GBP7: variants seen among roughly 807,000 people sequenced by gnomAD.
GBP7 encodes the protein guanylate binding protein 7, also known as guanylate-binding protein 7.
In GBP7, 43 loss-of-function variants were observed where a neutral mutation model predicts 61.3. That is an observed-to-expected ratio of 0.70 (90% CI 0.55 to 0.91). GBP7 has a LOEUF of 0.91. Among genes scored for constraint, GBP7 ranks in the 40% least tolerant of loss-of-function variants. The pLI is 0.00. For missense variants in GBP7, 717 were observed against 740.5 expected (o/e 0.97, Z 0.37); for synonymous variants, 267 against 271.0 (o/e 0.99, Z 0.14).
chr1:89,152,258 G>A lies in GBP7; in HGVS notation c.625+10C>T. 1 of 1,612,606 alleles carries A rather than the reference G, an allele frequency of 6.2e-7. No individual in the cohort carries two copies. Among genetic ancestry groups the A allele is most frequent in the Non-Finnish European group, 8.5e-7 (1 of 1,178,872 alleles). On this transcript the variant is annotated intron_variant, in intron 5 of 10. Coordinates refer to ENST00000294671, the MANE Select transcript of GBP7 (RefSeq NM_207398.3). ...CTGAACCTTCTCCCATCTAGGCCATGCTCTGATACCTGAAATCAGCTTCAA... is the reference window on the plus strand; with the variant it reads ...CTGAACCTTCTCCCATCTAGGCCATACTCTGATACCTGAAATCAGCTTCAA...
intron 1 of GBP7, among the ~76,000 whole-genome samples, chr1:89,174,287 G>T (rs1235622347): frequency 6.6e-6 from 1 of 152,072 alleles, no homozygotes; most frequent in Non-Finnish European, 1.5e-5. Context: ...GGGATTGCTT[G>T]GTCAAAAGAT....
At chr1:89,168,967 C>T (rs1024859150) in intron 2 of GBP7, among the ~76,000 whole-genome samples, 3 of 111,076 alleles carry the variant, frequency 2.7e-5, no homozygotes, top group Non-Finnish European at 5.4e-5. Context: ...GAAACTCCGC[C>T]TCAAGTTAAA....
At chr1:89,149,189 C>T (rs1291349921) in intron 7 of GBP7, 103 bp downstream of exon 7, 8 of 987,014 alleles carry the variant, frequency 8.1e-6, no homozygotes, top group East Asian at 5.2e-5. Context: ...ATCCAATCTC[C>T]CTTTACTACA....
intron 1 of GBP7, among the ~76,000 whole-genome samples, chr1:89,174,825 C>T (rs891441311): frequency 6.6e-6 from 1 of 152,158 alleles, no homozygotes; most frequent in Non-Finnish European, 1.5e-5. Flanking sequence ...TTTATTACCT[C>T]CATGTATATC....
intron 3 of GBP7, among the ~76,000 whole-genome samples, chr1:89,158,500 A>G (rs1274807884): frequency 6.6e-6 from 1 of 152,246 alleles, no homozygotes; most frequent in African/African-American, 2.4e-5. Flanking sequence ...CTGATAAGCA[A>G]CTTCAGCAAA....
rs181432633 is a variant in GBP7, at chr1:89,161,628, G to T, written c.318+3103C>A. Among the ~76,000 whole-genome samples, 808 of 150,870 alleles carry T rather than the reference G, an allele frequency of 5.4e-3. 7 individuals carry two copies. The highest frequency in any genetic ancestry group is 0.011 in the African/African-American group (439 of 41,230). ...TGCCCACTTTTTAATGTATTTTTTTGTGTGTGTGAATTTGTTTACGTTCCT... is the reference window on the plus strand; with the variant it reads ...TGCCCACTTTTTAATGTATTTTTTTTTGTGTGTGAATTTGTTTACGTTCCT... On this transcript the variant is annotated intron_variant, in intron 3 of 10. Coordinates refer to ENST00000294671, the MANE Select transcript of GBP7 (RefSeq NM_207398.3).
At chr1:89,140,764 C>T (rs1268493880) in intron 9 of GBP7, among the ~76,000 whole-genome samples, 1 of 152,156 alleles carries the variant, frequency 6.6e-6, no homozygotes, top group African/African-American at 2.4e-5. Context: ...TTCATCGGTG[C>T]ACTATTTCCA....
intron 2 of GBP7, among the ~76,000 whole-genome samples, chr1:89,166,416 G>A (rs1647443622): frequency 6.6e-6 from 1 of 152,204 alleles, no homozygotes; most frequent in African/African-American, 2.4e-5. Flanking sequence ...TGAGGAGTCT[G>A]TGATTTGAAC....
chr1:89,164,111 C>T (rs1647355334), intron 3 of GBP7, among the ~76,000 whole-genome samples: 1 of 152,154 alleles, frequency 6.6e-6, no homozygotes, highest in Admixed American at 6.6e-5. Context: ...CTCAGATGGT[C>T]CACCCGCCTC....
intron 3 of GBP7, among the ~76,000 whole-genome samples, chr1:89,162,197 C>T (rs913322810): frequency 3.3e-5 from 5 of 151,954 alleles, no homozygotes; most frequent in Non-Finnish European, 5.9e-5. Context: ...AGTTTGATGT[C>T]GAGTAGCATC....
intron 9 of GBP7, among the ~76,000 whole-genome samples, chr1:89,137,262 C>CA (rs932673887): frequency 8.6e-5 from 13 of 151,482 alleles, no homozygotes; most frequent in South Asian, 2.1e-4. Context: ...TAAACTATTC[C>CA]AAAAAAAATG....
At chr1:89,138,547 CTTTGG>C (rs1378577574) in intron 9 of GBP7, among the ~76,000 whole-genome samples, 78 of 152,198 alleles carry the variant, frequency 5.1e-4, no homozygotes, top group Non-Finnish European at 3.2e-4. Flanking sequence ...ACTATCTGAT[CTTTGG>C]TAAAGCTAAC....
At chr1:89,137,819 G>GA (rs200801681) in intron 9 of GBP7, among the ~76,000 whole-genome samples, 2 of 150,408 alleles carry the variant, frequency 1.3e-5, no homozygotes, top group South Asian at 2.1e-4. Context: ...AGGCAAAGGG[G>GA]AAAAAAAAAG....
At chr1:89,138,838 A>T (rs1277335084) in intron 9 of GBP7, among the ~76,000 whole-genome samples, 1 of 152,224 alleles carries the variant, frequency 6.6e-6, no homozygotes, top group Non-Finnish European at 1.5e-5. Context: ...GAGGGACCTA[A>T]TTCAACTAAA....
chr1:89,164,681 A>G lies in GBP7; in HGVS notation c.318+50T>C, dbSNP rs367790707. On this transcript the variant is annotated intron_variant, in intron 3 of 10. Coordinates refer to ENST00000294671, the MANE Select transcript of GBP7 (RefSeq NM_207398.3). ...TTGGATTGATACTATGCATAAAAACATAAATAGAGAATCAAAGGTAAAGAA... is the reference window on the plus strand; with the variant it reads ...TTGGATTGATACTATGCATAAAAACGTAAATAGAGAATCAAAGGTAAAGAA... The G allele has an allele frequency of 8.4e-4, 1,338 of 1,587,150 alleles. 1 individual carries two copies. The highest frequency in any genetic ancestry group is 1.0e-3 in the Non-Finnish European group (1,179 of 1,157,326).
Position 89,132,281 on chromosome 1 carries a change from C to G in GBP7, c.1785G>C (p.Gln595His), listed in dbSNP as rs752396686. The G allele has an allele frequency of 3.5e-5, 57 of 1,614,044 alleles. No individual in the cohort carries two copies. The highest frequency in any genetic ancestry group is 4.4e-5 in the Non-Finnish European group (52 of 1,179,972). Residue 595 changes from glutamine to histidine, a missense_variant, in exon 11 of 11, where the codon CAG (glutamine) becomes CAC (histidine). Physicochemically the swap from Gln to His is conservative, Grantham distance 24. Transcript: ENST00000294671. ...ATATACTGCCAGCCACATCAAGAAT[C>G]TGTGAAAACACTGAGGGCTCTTCAT... ...AENEEPSVFS[Q>H]ILDVAGSIFI...
chr1:89,137,828 A>G (rs1056157195), intron 9 of GBP7, among the ~76,000 whole-genome samples: 2 of 152,062 alleles, frequency 1.3e-5, no homozygotes, highest in African/African-American at 4.8e-5. Flanking sequence ...GGAAAAAAAA[A>G]GTTATCCAAT....
chr1:89,147,704 G>A lies in GBP7; in HGVS notation c.1228C>T (p.Leu410Phe). The change falls in exon 8 of 11, where the codon CTT (leucine) becomes TTT (phenylalanine). Residue 410 changes from leucine (L) to phenylalanine (F), a missense_variant. Physicochemically the swap from Leu to Phe is conservative, Grantham distance 22 (BLOSUM62 0). Coordinates refer to ENST00000294671, the MANE Select transcript of GBP7 (RefSeq NM_207398.3). The stretch of plus-strand genomic sequence containing the variant: ...GTCAAGAGCTCTGAAAGCCGCTTAA[G>A]CTCAGCCTGACAATATTTGGCAGAT... ...EASAKYCQAE[L>F]KRLSELLTES... 1 of 1,614,198 alleles carries A rather than the reference G, an allele frequency of 6.2e-7. No homozygotes were observed. The highest frequency in any genetic ancestry group is 8.5e-7 in the Non-Finnish European group (1 of 1,180,020).
chr1:89,134,957 A>G (rs1681764923), intron 9 of GBP7, among the ~76,000 whole-genome samples: 1 of 152,254 alleles, frequency 6.6e-6, no homozygotes, highest in Admixed American at 6.5e-5. Flanking sequence ...AATTCAGTAA[A>G]ATGACTCAAG....
Sources: gnomAD v4.1 joint callset for allele counts (sites outside exome capture counted in the v4.1 genomes callset) on GRCh38, gnomAD v4.1.1 for gene constraint, MANE v1.5 for transcripts, NCBI Gene and HGNC (gene_info 2026-07-23, HGNC 2026-07-21) for gene names.